RERE: variants seen among roughly 807,000 people sequenced by gnomAD.
The protein encoded by RERE is arginine-glutamic acid dipeptide repeats protein.
In RERE, 40 loss-of-function variants were observed where a neutral mutation model predicts 146.1. That is an observed-to-expected ratio of 0.27 (90% CI 0.21 to 0.36). The LOEUF is 0.36. Among genes scored for constraint, RERE ranks in the 10% least tolerant of loss-of-function variants. The pLI is 1.00. For missense variants in RERE, 1,933 were observed against 2,138.7 expected, an observed-to-expected ratio of 0.90 and a Z score of 1.90; for synonymous variants, 1,003 against 866.0, an observed-to-expected ratio of 1.16 and a Z score of -2.78.
chr1:8,682,684 T>C lies in RERE; in HGVS notation c.-144-26243A>G, dbSNP rs562339162. Among the ~76,000 whole-genome samples, 3 of 152,318 alleles carry C rather than the reference T, an allele frequency of 2.0e-5. No homozygotes were observed. In the South Asian group the frequency reaches 6.2e-4, roughly 32 times the overall value. ...CTATACTAATTCACGAACTTCTCTA[T>C]ACCTAGAAATGTGAAGCATGTAATA... is the stretch of plus-strand genomic sequence containing the variant. On this transcript the variant is annotated intron_variant, in intron 1 of 22. Coordinates refer to ENST00000400908, the MANE Select transcript of RERE (RefSeq NM_001042681.2).
At chr1:8,627,081 C>G (rs1466014129) in intron 2 of RERE, among the ~76,000 whole-genome samples, 1 of 152,180 alleles carries the variant, frequency 6.6e-6, no homozygotes, top group Non-Finnish European at 1.5e-5. Flanking sequence ...CTTCTACTAG[C>G]CCCTGATCAC....
chr1:8,400,860 A>C (rs1282707854), intron 12 of RERE, among the ~76,000 whole-genome samples: 13 of 107,146 alleles, frequency 1.2e-4, no homozygotes, highest in Admixed American at 2.0e-4. Context: ...AAAAAAAAAA[A>C]CCCAAAAATT....
At chr1:8,660,231 T>TA (rs1638423704) in intron 1 of RERE, among the ~76,000 whole-genome samples, 1 of 152,200 alleles carries the variant, frequency 6.6e-6, no homozygotes, top group Non-Finnish European at 1.5e-5. Context: ...TCCTCTATGT[T>TA]TAGCATATGA....
intron 12 of RERE, among the ~76,000 whole-genome samples, chr1:8,375,541 C>CTTCCTCGCTCAGCAGCCACTGAAAATGT (rs1642206946): frequency 1.3e-5 from 2 of 150,770 alleles, no homozygotes; most frequent in Admixed American, 6.6e-5. Flanking sequence ...ACTGAAAATG[C>CTTCCTCGCTCAGCAGCCACTGAAAATGT]TTCCTCGCTC....
intron 4 of RERE, among the ~76,000 whole-genome samples, chr1:8,564,258 C>G (rs1646112712): frequency 6.6e-6 from 1 of 152,148 alleles, no homozygotes. Context: ...ATACCTGGGA[C>G]CAGAGGTGTT....
rs1646059939 is a variant in RERE, at chr1:8,560,060, G to T, written c.523-2537C>A. On this transcript the variant is annotated intron_variant, in intron 4 of 22. Transcript: ENST00000400908. ...TCCCTCGGCAGGATAATAAAAAGCA[G>T]GACCAGGATAAGATTACTCATTATA... 3.9e-5 allele frequency among the ~76,000 whole-genome samples: 6 copies of T among 152,252 alleles called. No homozygotes were observed. The South Asian group carries it at 1.2e-3, about 32-fold the overall frequency.
intron 7 of RERE, among the ~76,000 whole-genome samples, chr1:8,527,450 C>A (rs1645583407): frequency 1.3e-5 from 2 of 151,448 alleles, no homozygotes; most frequent in South Asian, 2.1e-4. Flanking sequence ...TAAAAAAAAA[C>A]AAACTATCTA....
At chr1:8,711,022 T>C (rs1454905416) in intron 1 of RERE, among the ~76,000 whole-genome samples, 1 of 151,712 alleles carries the variant, frequency 6.6e-6, no homozygotes, top group African/African-American at 2.4e-5. Flanking sequence ...CTGGGCATGG[T>C]GGCGCATGCC....
At chr1:8,670,282 A>G (rs1638683212) in intron 1 of RERE, among the ~76,000 whole-genome samples, 1 of 152,224 alleles carries the variant, frequency 6.6e-6, no homozygotes, top group Non-Finnish European at 1.5e-5. Context: ...CCTAGAACAT[A>G]ACACTTAAAT....
At chr1:8,701,300 ACACACACACACACACACACACACG>A (rs956124804) in intron 1 of RERE, among the ~76,000 whole-genome samples, 2 of 82,800 alleles carry the variant, frequency 2.4e-5, no homozygotes, top group South Asian at 3.1e-4. Flanking sequence ...ACACACACAC[ACACACACACACACACACACACACG>A]CACACACTCC....
chr1:8,744,648 T>G (rs1640384030), intron 1 of RERE, among the ~76,000 whole-genome samples: 1 of 152,184 alleles, frequency 6.6e-6, no homozygotes, highest in African/African-American at 2.4e-5. Flanking sequence ...AGAGATGACC[T>G]TCAAACTTTA....
intron 4 of RERE, among the ~76,000 whole-genome samples, chr1:8,562,287 CA>C (rs1230867973): frequency 6.6e-6 from 1 of 152,110 alleles, no homozygotes; most frequent in Non-Finnish European, 1.5e-5. Context: ...AAGAATTTCT[CA>C]ACAAATAAGC....
intron 8 of RERE, among the ~76,000 whole-genome samples, chr1:8,500,653 G>GTC (rs1557660511): frequency 6.6e-6 from 1 of 151,806 alleles, no homozygotes; most frequent in Non-Finnish European, 1.5e-5. Context: ...AGTGAGGAGC[G>GTC]TCTCTGCCTG....
intron 7 of RERE, among the ~76,000 whole-genome samples, chr1:8,528,896 T>C (rs1430340969): frequency 1.3e-5 from 2 of 152,178 alleles, no homozygotes; most frequent in East Asian, 1.9e-4. Context: ...ATTTTGTGCA[T>C]GAAACAAGGT....
At chr1:8,553,401 C>T (rs756214011) in intron 6 of RERE, among the ~76,000 whole-genome samples, 18 of 150,368 alleles carry the variant, frequency 1.2e-4, no homozygotes, top group Non-Finnish European at 1.9e-4. Context: ...CGTCCACATG[C>T]ACGAGACACT....
chr1:8,582,657 G>A (rs1646382124), intron 4 of RERE, among the ~76,000 whole-genome samples: 1 of 152,116 alleles, frequency 6.6e-6, no homozygotes, highest in Non-Finnish European at 1.5e-5. Flanking sequence ...GGAGGCAGAG[G>A]TTGCAGTGAG....
At chr1:8,450,696 C>T (rs935738044) in intron 11 of RERE, among the ~76,000 whole-genome samples, 22 of 152,150 alleles carry the variant, frequency 1.4e-4, no homozygotes, top group Admixed American at 1.0e-3. Context: ...GTTGTTTTGT[C>T]AACAGTAGCA....
chr1:8,775,595 C>T (rs1641048700), intron 1 of RERE, among the ~76,000 whole-genome samples: 1 of 152,084 alleles, frequency 6.6e-6, no homozygotes, highest in African/African-American at 2.4e-5. Flanking sequence ...AAAAACTAAA[C>T]AAATAAATCA....
At chr1:8,789,301 A>AATATATATATATAT (rs1553149622) in intron 1 of RERE, among the ~76,000 whole-genome samples, 18 of 24,790 alleles carry the variant, frequency 7.3e-4, no homozygotes, top group South Asian at 1.4e-3. Flanking sequence ...AAAAAAAAAA[A>AATATATATATATAT]ATATATATAT....
Sources: allele counts gnomAD v4.1 joint callset (sites outside exome capture counted in the v4.1 genomes callset), GRCh38; gene constraint gnomAD v4.1.1; transcripts MANE v1.5; gene names NCBI Gene and HGNC (gene_info 2026-07-23, HGNC 2026-07-21).